LRRC72: variants seen among roughly 807,000 people sequenced by gnomAD.
The protein encoded by LRRC72 is leucine-rich repeat-containing protein 72.
Under a neutral mutation model 35.8 loss-of-function variants are expected in LRRC72, and 41 were observed. The ratio of observed to expected loss-of-function variants is 1.15; its 90% confidence interval spans 0.89 to 1.49. The LOEUF is 1.49. Among genes scored for constraint, LRRC72 ranks in the 40% most tolerant of loss-of-function variants. LRRC72 has a pLI of 0.00. For missense variants in LRRC72, 389 were observed against 330.7 expected, an observed-to-expected ratio of 1.18 and a Z score of -1.37; for synonymous variants, 118 against 119.2, an observed-to-expected ratio of 0.99 and a Z score of 0.07.
At chr7:16,540,567 T>G (rs571332379) in intron 3 of LRRC72, among the ~76,000 whole-genome samples, 1 of 152,208 alleles carries the variant, frequency 6.6e-6, no homozygotes, top group South Asian at 2.1e-4. Context: ...AGAGGCAAAA[T>G]GATATGGTTT....
intron 7 of LRRC72, among the ~76,000 whole-genome samples, chr7:16,572,292 C>T (rs1480517929): frequency 6.6e-6 from 1 of 152,156 alleles, no homozygotes; most frequent in African/African-American, 2.4e-5. Flanking sequence ...GGAACTCCAC[C>T]CTAACTCATT....
chr7:16,533,550 A>G (rs868058250), intron 2 of LRRC72, among the ~76,000 whole-genome samples: 23 of 152,070 alleles, frequency 1.5e-4, no homozygotes, highest in African/African-American at 5.6e-4. Flanking sequence ...TTTTGCTCAT[A>G]TGTAATCTTT....
rs74668730 is a variant in LRRC72 at position 16,532,097 on chromosome 7, C to A, written c.91-398C>A. ...TTTATCCTACTCTCTCCACCTCCAACCCTGATACTGCATGAATTCTCTATA... is the reference window on the plus strand; with the variant it reads ...TTTATCCTACTCTCTCCACCTCCAAACCTGATACTGCATGAATTCTCTATA... On this transcript the variant is annotated intron_variant, in intron 1 of 8. Coordinates refer to ENST00000401542, the MANE Select transcript of LRRC72 (RefSeq NM_001195280.2). Among the ~76,000 whole-genome samples, 816 of 152,278 alleles carry A rather than the reference C, an allele frequency of 5.4e-3. 4 individuals are homozygous for A. The highest frequency in any genetic ancestry group is 0.019 in the African/African-American group (782 of 41,564).
chr7:16,527,455 G>GGTGT (rs59655218), intron 1 of LRRC72, among the ~76,000 whole-genome samples: 16 of 149,816 alleles, frequency 1.1e-4, no homozygotes, highest in Admixed American at 4.7e-4. Context: ...CTCCAACAGG[G>GGTGT]GTGTGTGTGT....
chr7:16,578,871 C>T (rs1783091411), intron 7 of LRRC72, among the ~76,000 whole-genome samples: 2 of 152,100 alleles, frequency 1.3e-5, no homozygotes, highest in Admixed American at 1.3e-4. Flanking sequence ...CACAGAAGAA[C>T]AAATACTGCA....
intron 1 of LRRC72, among the ~76,000 whole-genome samples, chr7:16,528,904 T>G (rs7794591): frequency 0.65 from 98,886 of 151,988 alleles, 32,839 homozygotes; most frequent in East Asian, 0.85. Flanking sequence ...CAATTTGATA[T>G]TGGATATTGT....
chr7:16,550,604 AACTT>A (rs1782532825), intron 3 of LRRC72, among the ~76,000 whole-genome samples: 1 of 152,212 alleles, frequency 6.6e-6, no homozygotes, highest in Admixed American at 6.5e-5. Context: ...CAGTTGCAAC[AACTT>A]TCAATTCTTT....
intron 4 of LRRC72, among the ~76,000 whole-genome samples, chr7:16,557,983 C>A (rs1014885770): frequency 6.9e-6 from 1 of 145,682 alleles, no homozygotes; most frequent in Non-Finnish European, 1.5e-5. Flanking sequence ...TAAGGCCCAT[C>A]ATGATGTCAT....
chr7:16,537,676 T>C lies in LRRC72; in HGVS notation c.214T>C (p.Leu72=). Reference sequence around the variant, plus strand: ...TTCTAGGTTTAAAAAATTAAAATACTTATGGCTTCATCATAACAAGGTAGT... The same window carrying C: ...TTCTAGGTTTAAAAAATTAAAATACCTATGGCTTCATCATAACAAGGTAGT... ...DLSRFKKLKY[L]WLHHNKLHGI... The change falls in exon 3 of 9, where the codon TTA becomes CTA. Residue 72 remains leucine, a synonymous_variant. Transcript: ENST00000401542. The C allele has an allele frequency of 6.6e-7, 1 of 1,520,830 alleles. No individual in the cohort carries two copies. The highest frequency in any genetic ancestry group is 8.9e-7 in the Non-Finnish European group (1 of 1,127,846). 94.2% of individuals were successfully genotyped at this position (1,520,830 alleles called of 1,614,324 possible).
In LRRC72 at chr7:16,541,021, T is replaced by C. The variant is rs149068735; in HGVS notation, c.234+3325T>C. ...GGGAACATGTCTCAAGATCACCAAG[T>C]GTGGCTGTTGAAGTTTCTCTTAAAG... On this transcript the variant is annotated intron_variant, in intron 3 of 8. Transcript: ENST00000401542. Among the ~76,000 whole-genome samples the C allele has an allele frequency of 5.4e-3, 821 of 152,248 alleles. 7 individuals are homozygous for C. The highest frequency in any genetic ancestry group is 0.018 in the African/African-American group (768 of 41,536).
At chr7:16,566,112 T>C (rs1782833851) in intron 5 of LRRC72, among the ~76,000 whole-genome samples, 2 of 152,204 alleles carry the variant, frequency 1.3e-5, no homozygotes, top group South Asian at 4.1e-4. Context: ...TGGTAAATAT[T>C]TGTTGAATGA....
chr7:16,580,086 C>A lies in LRRC72; in HGVS notation c.683C>A (p.Ala228Glu). ...AQRVPSDFAF[A>E]NNVDKTVLDD... ...ATTTTTTTTTTAGATTTTGCATTTGCAAATAATGTAGACAAGTAAGTAATT... is the reference window on the plus strand; with the variant it reads ...ATTTTTTTTTTAGATTTTGCATTTGAAAATAATGTAGACAAGTAAGTAATT... Residue 228 changes from alanine (A) to glutamate (E), a missense_variant, in exon 8 of 9, where the codon GCA (alanine) becomes GAA (glutamate). Ala to Glu is a moderately radical substitution (Grantham distance 107, BLOSUM62 -1). Transcript: ENST00000401542. 1 of 413,774 alleles carries A rather than the reference C, an allele frequency of 2.4e-6. No homozygotes were observed. Among genetic ancestry groups the A allele is most frequent in the Non-Finnish European group, 4.3e-6 (1 of 233,768 alleles). 25.6% of individuals were successfully genotyped at this position (413,774 alleles called of 1,614,324 possible).
At chr7:16,531,986 C>T (rs1018422282) in intron 1 of LRRC72, among the ~76,000 whole-genome samples, 1 of 152,098 alleles carries the variant, frequency 6.6e-6, no homozygotes, top group Admixed American at 6.5e-5. Context: ...GACATGTATT[C>T]ATTCATTTCA....
At chr7:16,546,946 C>A (rs141421501) in intron 3 of LRRC72, among the ~76,000 whole-genome samples, 2 of 152,198 alleles carry the variant, frequency 1.3e-5, no homozygotes, top group Non-Finnish European at 2.9e-5. Context: ...ATTATACCAG[C>A]TGCAGCAGGG....
chr7:16,530,055 T>G (rs1431344726), intron 1 of LRRC72: 1 of 152,246 alleles, frequency 6.6e-6, no homozygotes, highest in African/African-American at 2.4e-5. Flanking sequence ...TACTTTTTAT[T>G]TATAAATATG....
chr7:16,564,310 G>C (rs1283914985), intron 5 of LRRC72, among the ~76,000 whole-genome samples: 8 of 151,974 alleles, frequency 5.3e-5, no homozygotes, highest in Admixed American at 1.3e-4. Context: ...ATTGTGTTTT[G>C]CTTTTATATC....
At chr7:16,536,657 G>T (rs1197653483) in intron 2 of LRRC72, among the ~76,000 whole-genome samples, 1 of 151,962 alleles carries the variant, frequency 6.6e-6, no homozygotes, top group African/African-American at 2.4e-5. Context: ...CAAAAAAAAG[G>T]TTTATTTTGT....
At chr7:16,553,496 T>C (rs1442793220) in intron 3 of LRRC72, among the ~76,000 whole-genome samples, 1 of 152,234 alleles carries the variant, frequency 6.6e-6, no homozygotes, top group Non-Finnish European at 1.5e-5. Flanking sequence ...ACATCTAGCT[T>C]AATGCCCAGC....
rs990303650 is a variant in LRRC72 at position 16,558,890 on chromosome 7, T to G, written c.318T>G (p.Gly106=). Residue 106 remains glycine (G), a splice_region_variant and synonymous_variant, in exon 5 of 9, where the codon GGT becomes GGG. Transcript: ENST00000401542. The part of the protein sequence containing the change: ...LNNNAIFEIE[G]LHYLPSLHIL... ...GTAAAAATATTCTGTTTTTTTTAGG[T>G]CTGCATTATTTGCCTTCATTGCATA... 2.7e-5 allele frequency: 39 copies of G among 1,427,394 alleles called. No homozygotes were observed. The highest frequency in any genetic ancestry group is 3.4e-5 in the Non-Finnish European group (37 of 1,078,010). 88.4% of individuals were successfully genotyped at this position (1,427,394 alleles called of 1,614,324 possible). A position where few individuals can be genotyped will look rare whatever the true frequency, so the allele number is the denominator to read the frequency against.
Sources: gnomAD v4.1 joint callset for allele counts (sites outside exome capture counted in the v4.1 genomes callset) on GRCh38, gnomAD v4.1.1 for gene constraint, MANE v1.5 for transcripts, NCBI Gene and HGNC (gene_info 2026-07-23, HGNC 2026-07-21) for gene names.